The following GRIN3B variants were observed in gnomAD, a reference collection of about 807,000 sequenced individuals.
GRIN3B encodes the protein glutamate receptor ionotropic, NMDA 3B.
A neutral mutation model predicts 66.0 loss-of-function variants in GRIN3B; 77 were observed. That is an observed-to-expected ratio of 1.17 (90% CI 0.97 to 1.41). The LOEUF is 1.41. GRIN3B is among the 40% of genes most tolerant of loss of function. The pLI is 0.00. For missense variants in GRIN3B, 1,787 were observed against 1,564.5 expected (o/e 1.14, Z -2.40); for synonymous variants, 823 against 749.7 (o/e 1.10, Z -1.60).
chr19:1,007,684 G>T lies in GRIN3B; in HGVS notation c.2109G>T (p.Glu703Asp). The change falls in exon 4 of 9, where the codon GAG becomes GAT. Residue 703 changes from glutamate to aspartate, a missense_variant. Glu to Asp is a conservative substitution (Grantham distance 45). Transcript: ENST00000234389. The surrounding 1 kb of genome is among the most constrained non-coding windows in gnomAD (Gnocchi z 4.4). ...RFGTVWESSA[E>D]AYIKKSFPDM... Reference sequence around the variant, plus strand: ...GCACCGTGTGGGAGAGCAGCGCCGAGGCGTACATCAAGAAGAGCTTCCCCG... The same window carrying T: ...GCACCGTGTGGGAGAGCAGCGCCGATGCGTACATCAAGAAGAGCTTCCCCG... The T allele has an allele frequency of 6.5e-7, 1 of 1,537,128 alleles. No individual in the cohort carries two copies.
Position 1,003,228 on chromosome 19 carries a change from C to T in GRIN3B, c.525C>T (p.Gly175=). The change falls in exon 2 of 9, where the codon GGC becomes GGT. Residue 175 remains glycine (G), a synonymous_variant. Transcript: ENST00000234389. ...VLQAHAWEDV[G]LALCRTQDPG... is the part of the protein sequence containing the mutation. ...AGGCGCACGCCTGGGAAGACGTCGG[C>T]CTGGCCCTGTGCCGCACTCAGGACC... 4 of 1,574,792 alleles carry T rather than the reference C, an allele frequency of 2.5e-6. 1 individual carries two copies. The highest frequency in any genetic ancestry group is 3.4e-6 in the Non-Finnish European group (4 of 1,162,086).
rs537364397 is a variant in GRIN3B at position 1,007,770 on chromosome 19, T to G, written c.2195T>G (p.Leu732Arg). 90 of 1,516,370 alleles carry G rather than the reference T, an allele frequency of 5.9e-5. No individual in the cohort carries two copies. Among genetic ancestry groups the G allele is most frequent in the Non-Finnish European group, 7.8e-5 (88 of 1,133,052 alleles). The allele number at this position is 1,516,370 out of a possible 1,614,324, so 93.9% of individuals were successfully genotyped here. Residue 732 changes from leucine (L) to arginine (R), a missense_variant, in exon 4 of 9, where the codon CTC (leucine) becomes CGC (arginine). Leu to Arg is a moderately radical substitution (Grantham distance 102). Coordinates refer to ENST00000234389, the MANE Select transcript of GRIN3B (RefSeq NM_138690.3). This position sits in a 1 kb window ranked among gnomAD's most constrained non-coding sequence, Gnocchi z 4.4. ...APTTPRGVAM[L>R]TSDPPKLNAF... ...ACCACGCCCCGCGGCGTCGCCATGCTCACGTGAGCCCGGGCGCGGGGTGAG... is the reference window on the plus strand; with the variant it reads ...ACCACGCCCCGCGGCGTCGCCATGCGCACGTGAGCCCGGGCGCGGGGTGAG...
rs781420007 is a variant in GRIN3B at position 1,007,834 on chromosome 19, C to A, written c.2199-22C>A. On this transcript the variant is annotated intron_variant, in intron 4 of 8. Coordinates refer to ENST00000234389, the MANE Select transcript of GRIN3B (RefSeq NM_138690.3). The surrounding 1 kb of genome is among the most constrained non-coding windows in gnomAD (Gnocchi z 4.4). Reference sequence around the variant, plus strand: ...GTGGGGTGGGCGGGGCGATGGCTGACCCCCGCCCCCGGCCCCAGCAGGAGC... The same window carrying A: ...GTGGGGTGGGCGGGGCGATGGCTGAACCCCGCCCCCGGCCCCAGCAGGAGC... The A allele has an allele frequency of 4.5e-6, 7 of 1,556,408 alleles. No individual in the cohort carries two copies. In the East Asian group the frequency reaches 1.2e-4, roughly 26 times the overall value.
At position 1,000,670 on chromosome 19, in the gene GRIN3B, C is replaced by A; in HGVS notation, c.233C>A (p.Ala78Glu). Residue 78 changes from alanine to glutamate, a missense_variant, in exon 1 of 9, where the codon GCG becomes GAG. Coordinates refer to ENST00000234389, the MANE Select transcript of GRIN3B (RefSeq NM_138690.3). ...HNLSLELVVA[A>E]PPARDPASLT... Reference sequence around the variant, plus strand: ...CTGAGCTTGGAGCTGGTGGTCGCCGCGCCCCCCGCCCGCGACCCCGCCTCG... The same window carrying A: ...CTGAGCTTGGAGCTGGTGGTCGCCGAGCCCCCCGCCCGCGACCCCGCCTCG... 1 of 1,332,720 alleles carries A rather than the reference C, an allele frequency of 7.5e-7. No homozygotes were observed. The highest frequency in any genetic ancestry group is 9.6e-7 in the Non-Finnish European group (1 of 1,039,092). The allele number at this position is 1,332,720 out of a possible 1,614,324, so 82.6% of individuals were successfully genotyped here.
rs559824200 is a variant in GRIN3B, at chr19:1,007,993, C to A, written c.2314+22C>A. 25 of 1,605,326 alleles carry A rather than the reference C, an allele frequency of 1.6e-5. No individual in the cohort carries two copies. In the South Asian group the frequency reaches 2.5e-4, roughly 16 times the overall value. ...GAGGGTGAGAGGCACCTGGGCGAGG[C>A]GGGGCGCCGGGGTCTCTGGGGACCT... On this transcript the variant is annotated intron_variant, in intron 5 of 8. Transcript: ENST00000234389. This position sits in a 1 kb window ranked among gnomAD's most constrained non-coding sequence, Gnocchi z 4.4.
At chr19:1,008,589 G>A (rs769343371) in intron 6 of GRIN3B, 29 bp from the exon 7 acceptor site, 43 of 1,585,834 alleles carry the variant, frequency 2.7e-5, no homozygotes, top group African/African-American at 1.3e-5. Context: ...TTACGTGACC[G>A]TGCGGGGCTC....
Position 1,007,151 on chromosome 19 carries a change from G to A in GRIN3B, c.2053-477G>A, listed in dbSNP as rs2038758660. On this transcript the variant is annotated intron_variant, in intron 3 of 8. Coordinates refer to ENST00000234389, the MANE Select transcript of GRIN3B (RefSeq NM_138690.3). The surrounding 1 kb of genome is among the most constrained non-coding windows in gnomAD (Gnocchi z 4.4). Reference sequence around the variant, plus strand: ...TGAGCAGTGGGCAGTTCCCTGTGTTGCAGGTGGCGCCCCCCAGGGTTTTCG... The same window carrying A: ...TGAGCAGTGGGCAGTTCCCTGTGTTACAGGTGGCGCCCCCCAGGGTTTTCG... Among the ~76,000 whole-genome samples the A allele has an allele frequency of 6.6e-6, 1 of 151,990 alleles. No individual in the cohort carries two copies. Among genetic ancestry groups the A allele is most frequent in the African/African-American group, 2.4e-5 (1 of 41,410 alleles).
Position 1,008,646 on chromosome 19 carries a change from C to A in GRIN3B, c.2495C>A (p.Ala832Glu), listed in dbSNP as rs78914045. 18,143 of 1,601,912 alleles carry A rather than the reference C, an allele frequency of 0.011. 134 individuals carry two copies. The highest frequency in any genetic ancestry group is 0.013 in the Non-Finnish European group (14,998 of 1,179,476). ...ETLQMSIYHF[A>E]GLFVLLCLGL... Reference sequence around the variant, plus strand: ...CTGCAGATGAGCATCTACCACTTCGCGGGCCTCTTCGTGTTGCTGTGCCTG... The same window carrying A: ...CTGCAGATGAGCATCTACCACTTCGAGGGCCTCTTCGTGTTGCTGTGCCTG... The change falls in exon 7 of 9, where the codon GCG becomes GAG. Residue 832 changes from alanine to glutamate, a missense_variant. Ala to Glu is a moderately radical substitution (Grantham distance 107). Transcript: ENST00000234389.
At chr19:1,001,552 C>T (rs1160581361) in intron 1 of GRIN3B, among the ~76,000 whole-genome samples, 1 of 152,004 alleles carries the variant, frequency 6.6e-6, no homozygotes, top group Non-Finnish European at 1.5e-5. Context: ...TGTTGTCCCC[C>T]CCAACAGGGC....
In GRIN3B at chr19:1,008,658, T is replaced by A; in HGVS notation, c.2507T>A (p.Val836Glu). Residue 836 changes from valine to glutamate, a missense_variant, in exon 7 of 9, where the codon GTG becomes GAG. Coordinates refer to ENST00000234389, the MANE Select transcript of GRIN3B (RefSeq NM_138690.3). ...MSIYHFAGLF[V>E]LLCLGLGSAL... Reference sequence around the variant, plus strand: ...ATCTACCACTTCGCGGGCCTCTTCGTGTTGCTGTGCCTGGGCCTGGGCAGC... The same window carrying A: ...ATCTACCACTTCGCGGGCCTCTTCGAGTTGCTGTGCCTGGGCCTGGGCAGC... The A allele has an allele frequency of 6.2e-7, 1 of 1,604,008 alleles. No homozygotes were observed. The highest frequency in any genetic ancestry group is 1.3e-5 in the African/African-American group (1 of 75,044).
At position 1,009,672 on chromosome 19, in the gene GRIN3B, A is replaced by G. The variant is rs1016443416; in HGVS notation, c.*70A>G. 8.2e-7 allele frequency: 1 copy of G among 1,222,216 alleles called. No individual in the cohort carries two copies. The allele number at this position is 1,222,216 out of a possible 1,614,324, so 75.7% of individuals were successfully genotyped here. A position where few individuals can be genotyped will look rare whatever the true frequency, so the allele number is the denominator to read the frequency against. On this transcript the variant is annotated 3_prime_UTR_variant, in exon 9 of 9. Coordinates refer to ENST00000234389, the MANE Select transcript of GRIN3B (RefSeq NM_138690.3). ...GTGAGCCGCTGTCAACAGACAGTTT[A>G]TTCTATATACAAACACAATTTTGTA...
Position 1,007,971 on chromosome 19 carries a change from G to A in GRIN3B, c.2314G>A (p.Gly772Ser), listed in dbSNP as rs200432745. 1.6e-4 allele frequency: 250 copies of A among 1,611,570 alleles called. No individual in the cohort carries two copies. The highest frequency in any genetic ancestry group is 3.3e-4 in the Middle Eastern group (2 of 6,082). The change falls in exon 5 of 9, where the codon GGC becomes AGC. Residue 772 changes from glycine (G) to serine (S), a missense_variant and splice_region_variant. By Grantham distance (56) the Gly-to-Ser change is moderately conservative. Transcript: ENST00000234389. This position sits in a 1 kb window ranked among gnomAD's most constrained non-coding sequence, Gnocchi z 4.4. The stretch of plus-strand genomic sequence containing the variant: ...CGTGGGAAAGCCCTTCGCCATTGAG[G>A]GTGAGAGGCACCTGGGCGAGGCGGG... ...LTVGKPFAIE[G>S]YGIGLPQNSP...
Position 1,004,869 on chromosome 19 carries a change from G to A in GRIN3B, c.1368G>A (p.Leu456=), listed in dbSNP as rs2038726437. ...LDPGTNDSAT[L]DALFAALANG... ...CTGGCACCAACGACTCGGCCACCCT[G>A]GACGCACTGTTCGCCGCGCTGGCCA... Residue 456 remains leucine, a synonymous_variant, in exon 3 of 9, where the codon CTG becomes CTA. Transcript: ENST00000234389. 2.5e-6 allele frequency: 4 copies of A among 1,610,756 alleles called. No homozygotes were observed. Among genetic ancestry groups the A allele is most frequent in the Non-Finnish European group, 3.4e-6 (4 of 1,178,520 alleles).
chr19:1,008,802 C>G lies in GRIN3B; in HGVS notation c.2631+20C>G. On this transcript the variant is annotated intron_variant, in intron 7 of 8. Transcript: ENST00000234389. The stretch of plus-strand genomic sequence containing the variant: ...AGCCAGGTGGGGAGCGGGTGGGCGG[C>G]GGGCGGCCCCACCCCCCCCGCCTCC... 1.3e-6 allele frequency: 2 copies of G among 1,586,012 alleles called. No individual in the cohort carries two copies. Among genetic ancestry groups the G allele is most frequent in the Non-Finnish European group, 1.7e-6 (2 of 1,170,946 alleles).
Position 1,000,814 on chromosome 19 carries a change from C to G in GRIN3B, c.377C>G (p.Pro126Arg), listed in dbSNP as rs1377404781. Residue 126 changes from proline (P) to arginine (R), a missense_variant, in exon 1 of 9, where the codon CCC becomes CGC. Coordinates refer to ENST00000234389, the MANE Select transcript of GRIN3B (RefSeq NM_138690.3). ...LHFLAAATET[P>R]VLSLLRREAR... The stretch of plus-strand genomic sequence containing the variant: ...TTCCTGGCGGCGGCCACCGAGACCC[C>G]CGTGCTCAGCCTGCTGCGGCGGGAG... 6.9e-7 allele frequency: 1 copy of G among 1,450,806 alleles called. No homozygotes were observed. The highest frequency in any genetic ancestry group is 9.0e-7 in the Non-Finnish European group (1 of 1,109,312). The allele number at this position is 1,450,806 out of a possible 1,614,324, so 89.9% of individuals were successfully genotyped here. A position where few individuals can be genotyped will look rare whatever the true frequency, so the allele number is the denominator to read the frequency against.
At position 1,004,921 on chromosome 19, in the gene GRIN3B, A is replaced by C. The variant is rs1453603545; in HGVS notation, c.1420A>C (p.Lys474Gln). 1 of 1,612,004 alleles carries C rather than the reference A, an allele frequency of 6.2e-7. No individual in the cohort carries two copies. Among genetic ancestry groups the C allele is most frequent in the Admixed American group, 1.7e-5 (1 of 59,980 alleles). The change falls in exon 3 of 9, where the codon AAG becomes CAG. Residue 474 changes from lysine (K) to glutamine (Q), a missense_variant. By Grantham distance (53) the Lys-to-Gln change is moderately conservative. Transcript: ENST00000234389. ...CGGCTCAGCGCCCCGTGCCCTGCGC[A>C]AGTGCTGCTACGGCTACTGCATTGA... ...ANGSAPRALRKCCYGYCIDLL... is the reference protein window; with the variant it reads ...ANGSAPRALRQCCYGYCIDLL...
At chr19:1,006,926 G>T (rs7251496) in intron 3 of GRIN3B, among the ~76,000 whole-genome samples, 62,463 of 152,006 alleles carry the variant, frequency 0.41, 13,421 homozygotes, top group African/African-American at 0.53. Context: ...TGGGGAGGCC[G>T]TGGCTGGTGT....
In GRIN3B at chr19:1,000,443, G is replaced by A. The variant is rs1318477919; in HGVS notation, c.6G>A (p.Glu2=). 3 of 1,213,772 alleles carry A rather than the reference G, an allele frequency of 2.5e-6. No homozygotes were observed. The highest frequency in any genetic ancestry group is 1.6e-5 in the African/African-American group (1 of 63,582). 75.2% of individuals were successfully genotyped at this position (1,213,772 alleles called of 1,614,324 possible). M[E]FVRALWLGLA... is the part of the protein sequence containing the mutation. ...GCGACGCCGACAACTTTGCGATGGA[G>A]TTTGTGCGGGCGCTGTGGCTGGGCC... Residue 2 remains glutamate (E), a synonymous_variant, in exon 1 of 9, where the codon GAG becomes GAA. Transcript: ENST00000234389.
intron 1 of GRIN3B, chr19:1,002,098 G>A (rs2145529985): frequency 6.6e-6 from 1 of 152,426 alleles, no homozygotes; most frequent in Non-Finnish European, 1.5e-5. Flanking sequence ...GGAGCCCAAG[G>A]TGGGAGGACA....
Sources: allele counts gnomAD v4.1 joint callset (sites outside exome capture counted in the v4.1 genomes callset), GRCh38; gene constraint gnomAD v4.1.1; non-coding constraint Gnocchi (gnomAD v3.1); transcripts MANE v1.5; gene names NCBI Gene and HGNC (gene_info 2026-07-23, HGNC 2026-07-21).